The following NAMPT variants were observed in gnomAD, a reference collection of about 807,000 sequenced individuals.
NAMPT encodes nicotinamide phosphoribosyltransferase.
In NAMPT, 7 loss-of-function variants were observed where a neutral mutation model predicts 58.7. The ratio of observed to expected loss-of-function variants is 0.12; its 90% confidence interval spans 0.07 to 0.22. The LOEUF is 0.22. Ranked by LOEUF, NAMPT falls within the 10% of genes least tolerant of loss-of-function variation. The probability of loss-of-function intolerance (pLI) is 1.00; values close to 1 mark genes in which losing one functional copy is unlikely to be tolerated. For missense variants in NAMPT, 271 were observed against 567.9 expected (o/e 0.48, Z 5.31); for synonymous variants, 145 against 198.1 (o/e 0.73, Z 2.25).
intron 3 of NAMPT, 62 bp downstream of exon 3, chr7:106,274,884 T>C: frequency 1.9e-6 from 2 of 1,075,450 alleles, no homozygotes; most frequent in South Asian, 1.4e-5. Context: ...CAAATTCCTT[T>C]GCAAGAAGTT....
At chr7:106,280,009 C>T (rs1342774677) in intron 1 of NAMPT, among the ~76,000 whole-genome samples, 1 of 152,074 alleles carries the variant, frequency 6.6e-6, no homozygotes, top group Non-Finnish European at 1.5e-5. Context: ...GAAATGAGAT[C>T]ATGTAAGGCT....
rs1792077661 is a variant in NAMPT at position 106,249,850 on chromosome 7, G to A, written c.*1233C>T. 6.6e-6 allele frequency: 1 copy of A among 152,018 alleles called. No individual in the cohort carries two copies. The highest frequency in any genetic ancestry group is 2.4e-5 in the African/African-American group (1 of 41,398). 9.4% of individuals were successfully genotyped at this position (152,018 alleles called of 1,614,324 possible). A position where few individuals can be genotyped will look rare whatever the true frequency, so the allele number is the denominator to read the frequency against. ...AAACTGGTCTCTAGTCAGATGTGAT[G>A]TATGATTCAGAATCTAGTAGCTAAT... On this transcript the variant is annotated 3_prime_UTR_variant, in exon 11 of 11. Coordinates refer to ENST00000222553, the MANE Select transcript of NAMPT (RefSeq NM_005746.3).
chr7:106,279,820 T>C (rs901597601), intron 1 of NAMPT, among the ~76,000 whole-genome samples: 3 of 152,100 alleles, frequency 2.0e-5, no homozygotes, highest in Non-Finnish European at 4.4e-5. Context: ...AATGATGGGC[T>C]AGAGGGGGCC....
Position 106,267,840 on chromosome 7 carries a change from C to CAAAAAAAAAAAAAAAAAAAAAAAAA in NAMPT, c.743+599_743+623dup, listed in dbSNP as rs769070307. On this transcript the variant is annotated intron_variant, in intron 6 of 10. Coordinates refer to ENST00000222553, the MANE Select transcript of NAMPT (RefSeq NM_005746.3). ...TGGGCGACAGAGCGAGACTCCGTCT[C>CAAAAAAAAAAAAAAAAAAAAAAAAA]AAAAAAAAAAAAAAAAAAAAAAAAA... 4.2e-4 allele frequency among the ~76,000 whole-genome samples: 14 copies of CAAAAAAAAAAAAAAAAAAAAAAAAA among 33,174 alleles called. 3 individuals are homozygous for CAAAAAAAAAAAAAAAAAAAAAAAAA. Among genetic ancestry groups the CAAAAAAAAAAAAAAAAAAAAAAAAA allele is most frequent in the Admixed American group, 1.9e-3 (4 of 2,064 alleles). 21.8% of individuals were successfully genotyped at this position (33,174 alleles called of 152,430 possible). A position where few individuals can be genotyped will look rare whatever the true frequency, so the allele number is the denominator to read the frequency against.
chr7:106,269,344 G>T (rs765730420), intron 4 of NAMPT, 32 bp from the exon 5 acceptor site: 12 of 1,566,896 alleles, frequency 7.7e-6, no homozygotes, highest in Non-Finnish European at 9.6e-6. Flanking sequence ...CAAATATTAA[G>T]ACATAAAATA....
chr7:106,271,804 T>C (rs913940446), intron 4 of NAMPT: 5 of 153,362 alleles, frequency 3.3e-5, no homozygotes, highest in African/African-American at 4.8e-5. Flanking sequence ...AAGAACTAAG[T>C]AAATGCCACC....
chr7:106,284,433 A>C (rs1157552004), intron 1 of NAMPT: 1 of 151,272 alleles, frequency 6.6e-6, no homozygotes, highest in Non-Finnish European at 1.5e-5. Context: ...GCCGTTACCT[A>C]ACTGGTCCCA....
At chr7:106,255,673 T>A (rs1792186544) in intron 8 of NAMPT, among the ~76,000 whole-genome samples, 1 of 152,218 alleles carries the variant, frequency 6.6e-6, no homozygotes, top group African/African-American at 2.4e-5. Context: ...ATATAAAACT[T>A]ATTTAAAAGT....
intron 6 of NAMPT, among the ~76,000 whole-genome samples, chr7:106,266,298 C>T (rs1792406353): frequency 6.6e-6 from 1 of 152,178 alleles, no homozygotes; most frequent in Non-Finnish European, 1.5e-5. Flanking sequence ...CATACAGTAT[C>T]CTTTTCATTT....
At chr7:106,273,901 ATTATTCTGTGTTTGACAGTCTTT>A (rs1302806190) in intron 3 of NAMPT, among the ~76,000 whole-genome samples, 2 of 151,934 alleles carry the variant, frequency 1.3e-5, no homozygotes, top group African/African-American at 2.4e-5. Flanking sequence ...AGTATTTCTA[ATTATTCTGTGTTTGACAGTCTTT>A]TCAATGTAAG....
rs1362451423 is a variant in NAMPT at position 106,267,876 on chromosome 7, AC to A, written c.743+587del. Among the ~76,000 whole-genome samples, 206 of 130,446 alleles carry A rather than the reference AC, an allele frequency of 1.6e-3. 2 individuals carry two copies. Among genetic ancestry groups the A allele is most frequent in the African/African-American group, 5.3e-3 (188 of 35,592 alleles). 85.6% of individuals were successfully genotyped at this position (130,446 alleles called of 152,430 possible). A position where few individuals can be genotyped will look rare whatever the true frequency, so the allele number is the denominator to read the frequency against. On this transcript the variant is annotated intron_variant, in intron 6 of 10. Coordinates refer to ENST00000222553, the MANE Select transcript of NAMPT (RefSeq NM_005746.3). ...AAAAAAAAAAAAAAAAAAAAAAAAAACAACCTGATTTACTTTTAATAAAGTT... is the reference window on the plus strand; with the variant it reads ...AAAAAAAAAAAAAAAAAAAAAAAAAAAACCTGATTTACTTTTAATAAAGTT...
chr7:106,256,100 C>G (rs1478545658), intron 8 of NAMPT, among the ~76,000 whole-genome samples: 1 of 152,212 alleles, frequency 6.6e-6, no homozygotes, highest in Non-Finnish European at 1.5e-5. Flanking sequence ...TCAAAGAAAG[C>G]TTCCTCTTGC....
intron 6 of NAMPT, among the ~76,000 whole-genome samples, chr7:106,265,211 C>A (rs1262777194): frequency 6.6e-6 from 1 of 152,088 alleles, no homozygotes; most frequent in Admixed American, 6.5e-5. Context: ...AATACCAATA[C>A]TGGAGAACTT....
chr7:106,262,671 T>C (rs1191871155), intron 7 of NAMPT, among the ~76,000 whole-genome samples: 3 of 152,154 alleles, frequency 2.0e-5, no homozygotes, highest in Non-Finnish European at 2.9e-5. Flanking sequence ...AGACCTACAC[T>C]GGATATCTGA....
At chr7:106,259,023 T>C (rs889730547) in intron 8 of NAMPT, among the ~76,000 whole-genome samples, 5 of 152,236 alleles carry the variant, frequency 3.3e-5, no homozygotes. Context: ...AAACCCTGCT[T>C]TGGTTTTATC....
At position 106,249,676 on chromosome 7, in the gene NAMPT, AGCTGTTTACCTTAG is replaced by A. The variant is rs1250602342; in HGVS notation, c.*1393_*1406del. Reference sequence around the variant, plus strand: ...GCGATTCTCATTTGGCTTCTATTGCAGCTGTTTACCTTAGGCTGGAGTAGTGGGAAAGCAGCCAT... The same window carrying A: ...GCGATTCTCATTTGGCTTCTATTGCAGCTGGAGTAGTGGGAAAGCAGCCAT... On this transcript the variant is annotated 3_prime_UTR_variant, in exon 11 of 11. Transcript: ENST00000222553. 7.9e-5 allele frequency: 12 copies of A among 152,060 alleles called. No individual in the cohort carries two copies. The highest frequency in any genetic ancestry group is 1.5e-4 in the Non-Finnish European group (10 of 67,966). 9.4% of individuals were successfully genotyped at this position (152,060 alleles called of 1,614,324 possible). A position where few individuals can be genotyped will look rare whatever the true frequency, so the allele number is the denominator to read the frequency against.
intron 7 of NAMPT, 39 bp from the exon 8 acceptor site, chr7:106,261,746 G>C: frequency 6.3e-7 from 1 of 1,578,278 alleles, no homozygotes; most frequent in South Asian, 1.1e-5. Flanking sequence ...AATAACTAAA[G>C]CTGAAAACAA....
chr7:106,276,906 ACCAAATTATATGATTTAATGCAT>A, intron 2 of NAMPT, 94 bp downstream of exon 2: 1 of 830,256 alleles, frequency 1.2e-6, no homozygotes, highest in East Asian at 2.6e-5. Context: ...TCAAACACAC[ACCAAATTATATGATTTAATGCAT>A]CCAAATTAAC....
intron 8 of NAMPT, among the ~76,000 whole-genome samples, chr7:106,255,289 A>G (rs1454071983): frequency 1.3e-5 from 2 of 152,218 alleles, no homozygotes; most frequent in South Asian, 2.1e-4. Flanking sequence ...GCCTTAATAT[A>G]TTCAATCACT....
Sources: gnomAD v4.1 joint callset for allele counts (sites outside exome capture counted in the v4.1 genomes callset) on GRCh38, gnomAD v4.1.1 for gene constraint, MANE v1.5 for transcripts, NCBI Gene and HGNC (gene_info 2026-07-23, HGNC 2026-07-21) for gene names.